The following WDR70 variants were observed in gnomAD, a reference collection of about 807,000 sequenced individuals.
The protein encoded by WDR70 is WD repeat domain 70.
A neutral mutation model predicts 88.6 loss-of-function variants in WDR70; 53 were observed. The observed-to-expected ratio is 0.60, with a 90% CI of 0.48 to 0.75. The LOEUF (loss-of-function observed/expected upper bound fraction) is 0.75, where lower values mean the gene tolerates loss of function less well. Ranked by LOEUF, WDR70 falls within the 30% of genes least tolerant of loss-of-function variation. WDR70 has a pLI of 0.00. For synonymous variants in WDR70, 280 were observed against 270.0 expected (o/e 1.04, Z -0.36); for missense variants, 610 against 823.2 (o/e 0.74, Z 3.17).
At chr5:37,551,399 C>A (rs191448524) in intron 9 of WDR70, among the ~76,000 whole-genome samples, 103 of 151,922 alleles carry the variant, frequency 6.8e-4, no homozygotes, top group African/African-American at 2.4e-3. Flanking sequence ...TTTGTTATTA[C>A]TATTTATGTC....
chr5:37,460,730 A>G (rs530645903), intron 7 of WDR70, among the ~76,000 whole-genome samples: 2 of 146,518 alleles, frequency 1.4e-5, no homozygotes, highest in Admixed American at 6.8e-5. Context: ...AAATAAAAAC[A>G]AAAAGAAAAC....
intron 9 of WDR70, among the ~76,000 whole-genome samples, chr5:37,530,135 C>T (rs915785784): frequency 8.5e-5 from 13 of 152,114 alleles, no homozygotes; most frequent in African/African-American, 2.6e-4. Flanking sequence ...TATTGACTTG[C>T]GGATGTTAAA....
intron 9 of WDR70, among the ~76,000 whole-genome samples, chr5:37,532,557 A>T (rs931842192): frequency 6.6e-6 from 1 of 151,948 alleles, no homozygotes. Context: ...TATTGCTGAG[A>T]CTTTCCAGTG....
At chr5:37,482,250 C>G (rs890338940) in intron 8 of WDR70, among the ~76,000 whole-genome samples, 1 of 152,148 alleles carries the variant, frequency 6.6e-6, no homozygotes, top group African/African-American at 2.4e-5. Flanking sequence ...AGCAGCACCC[C>G]ACTCTACTGG....
At chr5:37,737,351 G>A (rs545965858) in intron 17 of WDR70, among the ~76,000 whole-genome samples, 30 of 152,258 alleles carry the variant, frequency 2.0e-4, no homozygotes, top group African/African-American at 7.2e-4. Flanking sequence ...TCAGAATCAA[G>A]CCTATAACTG....
intron 10 of WDR70, among the ~76,000 whole-genome samples, chr5:37,677,220 G>T (rs1307601319): frequency 6.6e-6 from 1 of 151,806 alleles, no homozygotes; most frequent in East Asian, 1.9e-4. Context: ...AGGGTTTTTT[G>T]TGTCTCTATT....
rs539259193 is a variant in WDR70, at chr5:37,409,294, T to A, written c.492+12724T>A. 2.4e-4 allele frequency among the ~76,000 whole-genome samples: 36 copies of A among 152,210 alleles called. No individual in the cohort carries two copies. The East Asian group carries it at 6.2e-3, about 26-fold the overall frequency. On this transcript the variant is annotated intron_variant, in intron 5 of 17. Coordinates refer to ENST00000265107, the MANE Select transcript of WDR70 (RefSeq NM_018034.4). ...TCTGCTGTGTAGTTATTCTACTGTT[T>A]CTCTTCGGAAATGAGATGTAATCTT...
rs189240304 is a variant in WDR70 at position 37,396,067 on chromosome 5, G to A, written c.297-308G>A. On this transcript the variant is annotated intron_variant, in intron 4 of 17. Coordinates refer to ENST00000265107, the MANE Select transcript of WDR70 (RefSeq NM_018034.4). ...ACCTGCCTTGGTCCCTGAAAGTGCTGGCGTTACAGGTGTGAGCCATTGCAC... is the reference window on the plus strand; with the variant it reads ...ACCTGCCTTGGTCCCTGAAAGTGCTAGCGTTACAGGTGTGAGCCATTGCAC... Among the ~76,000 whole-genome samples, 4 of 152,298 alleles carry A rather than the reference G, an allele frequency of 2.6e-5. No homozygotes were observed. In the East Asian group the frequency reaches 7.7e-4, roughly 29 times the overall value.
intron 9 of WDR70, among the ~76,000 whole-genome samples, chr5:37,601,414 T>C (rs1743878326): frequency 6.6e-6 from 1 of 152,244 alleles, no homozygotes; most frequent in Admixed American, 6.5e-5. Flanking sequence ...AGCTGTTAGA[T>C]TTGCTTTGCT....
At chr5:37,402,722 T>A (rs1438794424) in intron 5 of WDR70, among the ~76,000 whole-genome samples, 1 of 152,024 alleles carries the variant, frequency 6.6e-6, no homozygotes, top group Non-Finnish European at 1.5e-5. Context: ...ACCCTACTGA[T>A]GTTTTGAATA....
chr5:37,402,688 A>G (rs1458962434), intron 5 of WDR70, among the ~76,000 whole-genome samples: 2 of 152,080 alleles, frequency 1.3e-5, no homozygotes, highest in South Asian at 2.1e-4. Context: ...AAAATATACA[A>G]TAAGATTATT....
At chr5:37,510,499 T>G (rs1740692710) in intron 8 of WDR70, among the ~76,000 whole-genome samples, 1 of 152,210 alleles carries the variant, frequency 6.6e-6, no homozygotes, top group Non-Finnish European at 1.5e-5. Context: ...GGTCTTGCTT[T>G]GATGCCCAGG....
At chr5:37,631,731 C>G (rs1744824493) in intron 10 of WDR70, among the ~76,000 whole-genome samples, 1 of 152,108 alleles carries the variant, frequency 6.6e-6, no homozygotes, top group Non-Finnish European at 1.5e-5. Flanking sequence ...ATTCATCCAG[C>G]CTAAGTGAAG....
intron 2 of WDR70, among the ~76,000 whole-genome samples, chr5:37,381,376 G>T (rs1307308218): frequency 6.6e-6 from 1 of 152,154 alleles, no homozygotes; most frequent in Admixed American, 6.6e-5. Context: ...ATAGGGTAGG[G>T]ATCTAGAGGA....
intron 8 of WDR70, among the ~76,000 whole-genome samples, chr5:37,493,386 T>C (rs1403563017): frequency 1.3e-5 from 2 of 152,234 alleles, no homozygotes; most frequent in Non-Finnish European, 2.9e-5. Flanking sequence ...CTTTCTCATG[T>C]TGCATCTAAT....
At chr5:37,674,192 A>C (rs1156488855) in intron 10 of WDR70, among the ~76,000 whole-genome samples, 1 of 152,056 alleles carries the variant, frequency 6.6e-6, no homozygotes, top group Non-Finnish European at 1.5e-5. Context: ...AGGAATTGCC[A>C]CACTGTCTTC....
intron 8 of WDR70, among the ~76,000 whole-genome samples, chr5:37,488,119 A>T (rs1339398437): frequency 1.0e-4 from 12 of 118,208 alleles, no homozygotes; most frequent in Admixed American, 1.9e-4. Flanking sequence ...TGACAATATC[A>T]TTTCATTCTC....
chr5:37,595,171 C>T (rs1280316760), intron 9 of WDR70, among the ~76,000 whole-genome samples: 2 of 152,126 alleles, frequency 1.3e-5, no homozygotes, highest in Non-Finnish European at 2.9e-5. Context: ...GAACTTCCAA[C>T]ACTATGTTGA....
At chr5:37,585,933 G>A (rs1161906327) in intron 9 of WDR70, among the ~76,000 whole-genome samples, 1 of 152,104 alleles carries the variant, frequency 6.6e-6, no homozygotes, top group Non-Finnish European at 1.5e-5. Flanking sequence ...CTCCAGATAT[G>A]TGTGCACCTC....
Sources: allele counts gnomAD v4.1 joint callset (sites outside exome capture counted in the v4.1 genomes callset), GRCh38; gene constraint gnomAD v4.1.1; transcripts MANE v1.5; gene names NCBI Gene and HGNC (gene_info 2026-07-23, HGNC 2026-07-21).